Variants in CAMK4 observed in about 807,000 individuals in gnomAD.
The protein encoded by CAMK4 is calcium/calmodulin-dependent protein kinase type IV.
CAMK4 carries 22 observed loss-of-function variants against 44.9 expected under a neutral mutation model. The observed-to-expected ratio is 0.49, with a 90% CI of 0.35 to 0.70. The LOEUF is 0.70. Ranked by LOEUF, CAMK4 falls within the 30% of genes least tolerant of loss-of-function variation. The pLI is 0.01. For missense variants in CAMK4, 498 were observed against 586.8 expected (o/e 0.85, Z 1.56); for synonymous variants, 218 against 215.4 (o/e 1.01, Z -0.11).
At chr5:111,387,843 G>T (rs552731061) in intron 4 of CAMK4, among the ~76,000 whole-genome samples, 138 of 152,294 alleles carry the variant, frequency 9.1e-4, no homozygotes, top group African/African-American at 3.2e-3. Flanking sequence ...CACATCTACT[G>T]ATGTCATACA....
intron 1 of CAMK4, among the ~76,000 whole-genome samples, chr5:111,276,771 A>C (rs1750776942): frequency 6.6e-6 from 1 of 152,106 alleles, no homozygotes; most frequent in Non-Finnish European, 1.5e-5. Context: ...TTGCTTAAAG[A>C]GTTAGAAAAT....
At chr5:111,251,707 G>C (rs1052307413) in intron 1 of CAMK4, among the ~76,000 whole-genome samples, 4 of 151,952 alleles carry the variant, frequency 2.6e-5, no homozygotes, top group Admixed American at 1.3e-4. Context: ...CCCTTTAAAG[G>C]CTTCTAAATA....
At chr5:111,303,193 C>T (rs1397524076) in intron 1 of CAMK4, among the ~76,000 whole-genome samples, 1 of 84,192 alleles carries the variant, frequency 1.2e-5, no homozygotes, top group African/African-American at 5.6e-5. Flanking sequence ...AGCGCCTCTC[C>T]TCCTCCAAAG....
intron 7 of CAMK4, among the ~76,000 whole-genome samples, chr5:111,452,312 AATC>A (rs1189163185): frequency 6.6e-6 from 1 of 152,234 alleles, no homozygotes; most frequent in African/African-American, 2.4e-5. Context: ...GTGTTTAAAG[AATC>A]TATACATCAG....
intron 3 of CAMK4, among the ~76,000 whole-genome samples, chr5:111,375,932 C>G (rs1033852162): frequency 6.6e-6 from 1 of 152,138 alleles, no homozygotes; most frequent in East Asian, 1.9e-4. Flanking sequence ...AGAGTAAAAG[C>G]TTTCTCAGAA....
At chr5:111,471,625 C>G (rs918991546) in intron 7 of CAMK4, among the ~76,000 whole-genome samples, 60 of 152,284 alleles carry the variant, frequency 3.9e-4, no homozygotes, top group African/African-American at 1.3e-3. Context: ...AGACTAGATC[C>G]TGTTTGGACA....
chr5:111,243,114 G>C (rs371247644), intron 1 of CAMK4, among the ~76,000 whole-genome samples: 1 of 152,180 alleles, frequency 6.6e-6, no homozygotes, highest in Non-Finnish European at 1.5e-5. Flanking sequence ...CAGTAAGGCA[G>C]ATTTCACTCA....
At chr5:111,472,328 G>A (rs930244835) in intron 7 of CAMK4, among the ~76,000 whole-genome samples, 1 of 152,050 alleles carries the variant, frequency 6.6e-6, no homozygotes, top group African/African-American at 2.4e-5. Flanking sequence ...CCTTCCTCAA[G>A]CAGCCATCAG....
chr5:111,455,469 G>T (rs11952630), intron 7 of CAMK4, among the ~76,000 whole-genome samples: 1,543 of 152,230 alleles, frequency 0.01, 11 homozygotes, highest in African/African-American at 0.023. Context: ...GAATGTGAAG[G>T]CATGATGAAA....
chr5:111,232,549 T>C (rs1463725466), intron 1 of CAMK4, among the ~76,000 whole-genome samples: 1 of 152,118 alleles, frequency 6.6e-6, no homozygotes, highest in Non-Finnish European at 1.5e-5. Flanking sequence ...GCAGGGTAAG[T>C]TGATGTCAGA....
chr5:111,326,092 A>G (rs756543604), intron 1 of CAMK4, among the ~76,000 whole-genome samples: 15 of 152,070 alleles, frequency 9.9e-5, no homozygotes, highest in Non-Finnish European at 1.8e-4. Context: ...CAAAGGAAGT[A>G]GAAAAGAGGA....
chr5:111,261,386 A>G (rs1749967335), intron 1 of CAMK4, among the ~76,000 whole-genome samples: 1 of 152,340 alleles, frequency 6.6e-6, no homozygotes, highest in Admixed American at 6.5e-5. Flanking sequence ...GCACCAGTCT[A>G]GGAATATAGC....
chr5:111,413,976 A>G (rs982963871), intron 5 of CAMK4, among the ~76,000 whole-genome samples: 1 of 152,026 alleles, frequency 6.6e-6, no homozygotes, highest in African/African-American at 2.4e-5. Context: ...GATAACTATT[A>G]TAATGGTCAA....
At chr5:111,253,625 A>G (rs1749615001) in intron 1 of CAMK4, among the ~76,000 whole-genome samples, 1 of 152,238 alleles carries the variant, frequency 6.6e-6, no homozygotes, top group Non-Finnish European at 1.5e-5. Context: ...GAACAAATGT[A>G]CATGGTGCAT....
At chr5:111,448,724 G>C (rs1754117332) in intron 6 of CAMK4, among the ~76,000 whole-genome samples, 1 of 152,120 alleles carries the variant, frequency 6.6e-6, no homozygotes, top group African/African-American at 2.4e-5. Flanking sequence ...AGAATTGCTT[G>C]AACCCGGGAG....
intron 1 of CAMK4, among the ~76,000 whole-genome samples, chr5:111,230,972 A>G (rs1445398154): frequency 1.3e-5 from 2 of 152,152 alleles, no homozygotes; most frequent in Non-Finnish European, 2.9e-5. Flanking sequence ...ACAAAGAGGA[A>G]CTTTTCATGA....
At chr5:111,274,309 C>A (rs1263563161) in intron 1 of CAMK4, among the ~76,000 whole-genome samples, 1 of 152,118 alleles carries the variant, frequency 6.6e-6, no homozygotes, top group Non-Finnish European at 1.5e-5. Context: ...TTTATCACTA[C>A]CTGACATGTA....
At chr5:111,321,949 C>A (rs1458338972) in intron 1 of CAMK4, among the ~76,000 whole-genome samples, 1 of 152,068 alleles carries the variant, frequency 6.6e-6, no homozygotes, top group African/African-American at 2.4e-5. Context: ...ATTTTCCCTT[C>A]TGTAACAATC....
chr5:111,232,709 A>G (rs1748534264), intron 1 of CAMK4, among the ~76,000 whole-genome samples: 1 of 152,134 alleles, frequency 6.6e-6, no homozygotes, highest in African/African-American at 2.4e-5. Flanking sequence ...AGAATTTGCC[A>G]CTACCTATAA....
Sources: allele counts gnomAD v4.1 joint callset (sites outside exome capture counted in the v4.1 genomes callset), GRCh38; gene constraint gnomAD v4.1.1; transcripts MANE v1.5; gene names NCBI Gene and HGNC (gene_info 2026-07-23, HGNC 2026-07-21).